The following SLC9A3 variants were observed in gnomAD, a reference collection of about 807,000 sequenced individuals.
SLC9A3 encodes the protein solute carrier family 9 member A3.
SLC9A3 carries 37 observed loss-of-function variants against 86.8 expected under a neutral mutation model. That is an observed-to-expected ratio of 0.43 (90% CI 0.33 to 0.56). The LOEUF is 0.56. Ranked by LOEUF, SLC9A3 falls within the 20% of genes least tolerant of loss-of-function variation. SLC9A3 has a pLI of 0.06. For synonymous variants in SLC9A3, 581 were observed against 528.3 expected, an observed-to-expected ratio of 1.10 and a Z score of -1.37; for missense variants, 1,011 against 1,171.9, an observed-to-expected ratio of 0.86 and a Z score of 2.00.
At chr5:477,738 G>C (rs1738847006) in intron 10 of SLC9A3, 1 of 350,794 alleles carries the variant, frequency 2.9e-6, no homozygotes, top group Non-Finnish European at 5.2e-6. Context: ...AAGCTGCCTG[G>C]GACTTGGGAT....
intron 1 of SLC9A3, among the ~76,000 whole-genome samples, chr5:517,796 C>T (rs1384484975): frequency 7.6e-6 from 1 of 131,666 alleles, no homozygotes; most frequent in African/African-American, 2.6e-5. Flanking sequence ...TTCACCGAAA[C>T]CATCCATCCA....
intron 11 of SLC9A3, 148 bp downstream of exon 11, chr5:477,184 G>T (rs1044525623): frequency 3.3e-6 from 2 of 600,300 alleles, no homozygotes; most frequent in African/African-American, 3.7e-5. Context: ...AGGAGGGCTT[G>T]TGGAAGGAGA....
intron 1 of SLC9A3, among the ~76,000 whole-genome samples, chr5:514,275 C>T (rs1733659290): frequency 6.6e-6 from 1 of 152,214 alleles, no homozygotes; most frequent in Admixed American, 6.5e-5. Flanking sequence ...TTCACACACT[C>T]CCTCTTCCTC....
chr5:472,148 C>T lies in SLC9A3; in HGVS notation c.*1231G>A, dbSNP rs558848864. On this transcript the variant is annotated 3_prime_UTR_variant, in exon 17 of 17. Transcript: ENST00000264938. ...CGAGCACCCTCCCCGGCTCAGCACC[C>T]GCGGCCTCCGCCCACTCAATGGACT... 33 of 382,346 alleles carry T rather than the reference C, an allele frequency of 8.6e-5. No homozygotes were observed. Among genetic ancestry groups the T allele is most frequent in the Non-Finnish European group, 1.6e-4 (31 of 193,346 alleles). The allele number at this position is 382,346 out of a possible 1,614,324, so 23.7% of individuals were successfully genotyped here.
chr5:506,948 G>A (rs1172225004), intron 1 of SLC9A3, among the ~76,000 whole-genome samples: 3 of 150,482 alleles, frequency 2.0e-5, no homozygotes, highest in Non-Finnish European at 3.0e-5. Context: ...GCAGACACCT[G>A]TAGTCCCAGC....
In SLC9A3 at chr5:516,901, T is replaced by G. The variant is rs1009245683; in HGVS notation, c.211+7211A>C. ...CTCTGCAGTAATTTAAGGAAATAAT[T>G]CAGCCGAGGAGCTGAGACAGCCTCT... On this transcript the variant is annotated intron_variant, in intron 1 of 16. Coordinates refer to ENST00000264938, the MANE Select transcript of SLC9A3 (RefSeq NM_004174.4). 8.5e-5 allele frequency among the ~76,000 whole-genome samples: 13 copies of G among 152,308 alleles called. No homozygotes were observed. The South Asian group carries it at 1.0e-3, about 12-fold the overall frequency.
In SLC9A3 at chr5:474,988, C is replaced by T. The variant is rs1481238202; in HGVS notation, c.2396G>A (p.Cys799Tyr). The T allele has an allele frequency of 1.2e-6, 2 of 1,611,456 alleles. No individual in the cohort carries two copies. The highest frequency in any genetic ancestry group is 8.5e-7 in the Non-Finnish European group (1 of 1,179,284). ...TQIPYSPGTF[C>Y]RLMPFRLSSK... ...GCTGAGGCGGAAGGGCATCAGGCGG[C>T]AGAAGGTGCCGGGAGAGTAGGGAAT... Residue 799 changes from cysteine to tyrosine, a missense_variant, in exon 16 of 17, where the codon TGC becomes TAC. Cys to Tyr is a radical substitution (Grantham distance 194). This residue lies in a region of SLC9A3 where 397 missense variants were observed against 346.3 expected (regional missense o/e 1.15). Coordinates refer to ENST00000264938, the MANE Select transcript of SLC9A3 (RefSeq NM_004174.4).
At chr5:509,983 G>A (rs929975446) in intron 1 of SLC9A3, among the ~76,000 whole-genome samples, 3 of 152,228 alleles carry the variant, frequency 2.0e-5, no homozygotes, top group East Asian at 3.9e-4. Context: ...CCCAGGGCCT[G>A]AGCAAGGATG....
intron 9 of SLC9A3, 110 bp from the exon 10 acceptor site, chr5:480,075 G>C: frequency 8.0e-7 from 1 of 1,256,952 alleles, no homozygotes; most frequent in Non-Finnish European, 1.1e-6. Flanking sequence ...TAGTGACCCT[G>C]TAGGCGCGTT....
chr5:509,107 CA>C (rs113438141), intron 1 of SLC9A3, among the ~76,000 whole-genome samples: 3,514 of 122,694 alleles, frequency 0.029, 84 homozygotes, highest in African/African-American at 0.075. Flanking sequence ...GATCCTGTCT[CA>C]AAAAAAAAAA....
At chr5:504,057 G>A (rs1044488147) in intron 1 of SLC9A3, among the ~76,000 whole-genome samples, 9 of 150,018 alleles carry the variant, frequency 6.0e-5, no homozygotes, top group African/African-American at 1.5e-4. Context: ...TTATGAAACC[G>A]TCTTCATCAA....
At chr5:475,316 A>T in intron 15 of SLC9A3, 184 bp from the exon 16 acceptor site, 1 of 649,860 alleles carries the variant, frequency 1.5e-6, no homozygotes, top group Non-Finnish European at 2.6e-6. Flanking sequence ...CACAGGCAGC[A>T]CAGGTAACGT....
chr5:479,679 A>G (rs1421024544), intron 10 of SLC9A3, 157 bp downstream of exon 10: 25 of 659,580 alleles, frequency 3.8e-5, no homozygotes, highest in Non-Finnish European at 6.2e-5. Flanking sequence ...TGGGATTCCC[A>G]GGGCATCAGA....
intron 9 of SLC9A3, 50 bp from the exon 10 acceptor site, chr5:480,015 G>C: frequency 6.3e-7 from 1 of 1,590,444 alleles, no homozygotes; most frequent in Non-Finnish European, 8.6e-7. Flanking sequence ...GCGCCCTAGA[G>C]CCCGCCGGAC....
At chr5:522,636 T>C (rs1345976069) in intron 1 of SLC9A3, among the ~76,000 whole-genome samples, 1 of 149,448 alleles carries the variant, frequency 6.7e-6, no homozygotes, top group Non-Finnish European at 1.5e-5. Flanking sequence ...CTCATGCCTG[T>C]AATCCCAGCT....
At chr5:499,092 G>T (rs541015955) in intron 1 of SLC9A3, among the ~76,000 whole-genome samples, 1 of 152,338 alleles carries the variant, frequency 6.6e-6, no homozygotes, top group South Asian at 2.1e-4. Context: ...GGGGCTCTGC[G>T]GTTGATGGAA....
intron 1 of SLC9A3, among the ~76,000 whole-genome samples, chr5:498,950 T>C (rs1048561584): frequency 4.6e-5 from 7 of 152,194 alleles, no homozygotes; most frequent in African/African-American, 1.7e-4. Context: ...TCTCCTGGGC[T>C]TCTGCTTCTT....
At position 482,932 on chromosome 5, in the gene SLC9A3, C is replaced by A. The variant is rs565725458; in HGVS notation, c.1154-182G>T. Among the ~76,000 whole-genome samples, 14 of 151,478 alleles carry A rather than the reference C, an allele frequency of 9.2e-5. No individual in the cohort carries two copies. The South Asian group carries it at 1.1e-3, about 11-fold the overall frequency. ...CCACCCGGAGCCACACGCGGCCTGG[C>A]GTCTCCCCCCCACGCTCCGTGCATC... is the stretch of plus-strand genomic sequence containing the variant. On this transcript the variant is annotated intron_variant, in intron 6 of 16. Transcript: ENST00000264938.
At chr5:486,891 G>A (rs1739501614) in intron 3 of SLC9A3, among the ~76,000 whole-genome samples, 1 of 137,364 alleles carries the variant, frequency 7.3e-6, no homozygotes, top group African/African-American at 2.8e-5. Context: ...CCACCGCACT[G>A]ACACCGTGAT....
Sources: allele counts gnomAD v4.1 joint callset (sites outside exome capture counted in the v4.1 genomes callset), GRCh38; gene constraint gnomAD v4.1.1; regional missense constraint gnomAD v4.1.1; transcripts MANE v1.5; gene names NCBI Gene and HGNC (gene_info 2026-07-23, HGNC 2026-07-21).